The following TMEM38A variants were observed in gnomAD, a reference collection of about 807,000 sequenced individuals.
The protein encoded by TMEM38A is trimeric intracellular cation channel type A.
TMEM38A carries 17 observed loss-of-function variants against 28.6 expected under a neutral mutation model. That is an observed-to-expected ratio of 0.60 (90% CI 0.41 to 0.89). The LOEUF is 0.89. Ranked by LOEUF, TMEM38A falls within the 40% of genes least tolerant of loss-of-function variation. The pLI is 0.00. For synonymous variants in TMEM38A, 169 were observed against 166.1 expected (o/e 1.02, Z -0.14); for missense variants, 328 against 393.1 (o/e 0.83, Z 1.40).
intron 1 of TMEM38A, among the ~76,000 whole-genome samples, chr19:16,675,366 TAC>T (rs1188541493): frequency 1.3e-5 from 2 of 151,846 alleles, no homozygotes; most frequent in Non-Finnish European, 2.9e-5. Context: ...TAGCTGGGAA[TAC>T]AGACACCTGC....
At chr19:16,686,973 C>A (rs1266250206) in intron 5 of TMEM38A, among the ~76,000 whole-genome samples, 1 of 152,124 alleles carries the variant, frequency 6.6e-6, no homozygotes, top group Admixed American at 6.6e-5. Flanking sequence ...TACCCCAGGC[C>A]AAATGTCTTA....
chr19:16,679,867 C>T (rs953426760), intron 1 of TMEM38A, 117 bp from the exon 2 acceptor site: 1 of 1,129,826 alleles, frequency 8.9e-7, no homozygotes, highest in African/African-American at 1.6e-5. Context: ...CTGAAACTTA[C>T]AAACTGCACA....
At chr19:16,680,733 G>T in intron 3 of TMEM38A, 152 bp downstream of exon 3, 2 of 663,110 alleles carry the variant, frequency 3.0e-6, no homozygotes, top group Non-Finnish European at 5.2e-6. Flanking sequence ...GGTATCAGCC[G>T]ATACCTTTAG....
rs1020059687 is a variant in TMEM38A, at chr19:16,661,549, G to A, written c.124+208G>A. ...GGGGAGAAGCCCCCAGGACGATGAA[G>A]CTGGGGGAGGGGAAGGAGAGGCGTG... On this transcript the variant is annotated intron_variant, in intron 1 of 5. Coordinates refer to ENST00000187762, the MANE Select transcript of TMEM38A (RefSeq NM_024074.4). The surrounding 1 kb of genome is among the most constrained non-coding windows in gnomAD (Gnocchi z 6.5). Among the ~76,000 whole-genome samples, 5 of 152,022 alleles carry A rather than the reference G, an allele frequency of 3.3e-5. No homozygotes were observed. Among genetic ancestry groups the A allele is most frequent in the African/African-American group, 1.2e-4 (5 of 41,380 alleles).
chr19:16,676,564 T>C (rs2086752377), intron 1 of TMEM38A, among the ~76,000 whole-genome samples: 1 of 152,030 alleles, frequency 6.6e-6, no homozygotes, highest in Admixed American at 6.6e-5. Flanking sequence ...AGAATCAATA[T>C]GATGAAAGAA....
intron 1 of TMEM38A, among the ~76,000 whole-genome samples, chr19:16,673,174 C>T (rs1206048390): frequency 1.3e-5 from 2 of 152,108 alleles, no homozygotes; most frequent in African/African-American, 2.4e-5. Flanking sequence ...CTCCACCTCC[C>T]GGGTTCAAGC....
chr19:16,682,143 G>A (rs944394487), intron 3 of TMEM38A, among the ~76,000 whole-genome samples: 3 of 152,062 alleles, frequency 2.0e-5, no homozygotes, highest in African/African-American at 7.2e-5. Flanking sequence ...AGGGGCATCA[G>A]GACAGACAAC....
Position 16,689,741 on chromosome 19 carries a change from G to C in TMEM38A, c.*1370G>C, listed in dbSNP as rs2279449. 1 of 152,356 alleles carries C rather than the reference G, an allele frequency of 6.6e-6. No homozygotes were observed. Among genetic ancestry groups the C allele is most frequent in the Non-Finnish European group, 1.5e-5 (1 of 68,186 alleles). 9.4% of individuals were successfully genotyped at this position (152,356 alleles called of 1,614,324 possible). A position where few individuals can be genotyped will look rare whatever the true frequency, so the allele number is the denominator to read the frequency against. ...GCCAGGAGCCTGCTTCAGTGTGAGC[G>C]AGGTGGATGATATTATAGCTGAAGG... On this transcript the variant is annotated 3_prime_UTR_variant, in exon 6 of 6. Transcript: ENST00000187762.
chr19:16,662,886 C>CT (rs2086688239), intron 1 of TMEM38A, among the ~76,000 whole-genome samples: 1 of 152,034 alleles, frequency 6.6e-6, no homozygotes, highest in African/African-American at 2.4e-5. Flanking sequence ...ACAAAATAGG[C>CT]TTTTGTGTTG....
Position 16,671,201 on chromosome 19 carries a change from C to CTT in TMEM38A, c.125-8762_125-8761dup, listed in dbSNP as rs34550977. The stretch of plus-strand genomic sequence containing the variant: ...GTATGGAAAGGGGAAAGGACCTGGG[C>CTT]TTTTTTTTTTTTTTTTTTTTTTGAG... On this transcript the variant is annotated intron_variant, in intron 1 of 5. Coordinates refer to ENST00000187762, the MANE Select transcript of TMEM38A (RefSeq NM_024074.4). Among the ~76,000 whole-genome samples, 140 of 84,812 alleles carry CTT rather than the reference C, an allele frequency of 1.7e-3. 1 individual carries two copies. The highest frequency in any genetic ancestry group is 2.2e-3 in the Non-Finnish European group (105 of 48,768). 55.6% of individuals were successfully genotyped at this position (84,812 alleles called of 152,430 possible).
At chr19:16,667,008 C>T (rs1014048979) in intron 1 of TMEM38A, among the ~76,000 whole-genome samples, 1 of 150,610 alleles carries the variant, frequency 6.6e-6, no homozygotes, top group African/African-American at 2.5e-5. Flanking sequence ...GTGGCTCACA[C>T]TTGTAATCCT....
At chr19:16,676,801 C>T (rs1377635444) in intron 1 of TMEM38A, among the ~76,000 whole-genome samples, 1 of 127,216 alleles carries the variant, frequency 7.9e-6, no homozygotes, top group Non-Finnish European at 1.6e-5. Flanking sequence ...CTGTTGTTGG[C>T]CTGGGCTGGA....
At chr19:16,681,399 T>C (rs188219310) in intron 3 of TMEM38A, among the ~76,000 whole-genome samples, 106 of 152,186 alleles carry the variant, frequency 7.0e-4, no homozygotes, top group African/African-American at 2.5e-3. Context: ...ACTATAAACA[T>C]ATATGCACCT....
chr19:16,680,833 G>T (rs1194387313), intron 3 of TMEM38A: 2 of 492,436 alleles, frequency 4.1e-6, no homozygotes, highest in Admixed American at 3.3e-5. Context: ...GCCAGAGCAG[G>T]TTTTCTCACT....
chr19:16,666,602 A>C (rs1057079601), intron 1 of TMEM38A, among the ~76,000 whole-genome samples: 35 of 151,998 alleles, frequency 2.3e-4, no homozygotes, highest in African/African-American at 8.0e-4. Context: ...AATCCTGAGA[A>C]AGAATGAAGC....
intron 1 of TMEM38A, among the ~76,000 whole-genome samples, chr19:16,663,345 C>T (rs1321158629): frequency 1.3e-5 from 2 of 151,554 alleles, no homozygotes; most frequent in South Asian, 2.1e-4. Context: ...ACACAAATGT[C>T]TTGAGAAAAG....
rs996088303 is a variant in TMEM38A at position 16,688,886 on chromosome 19, G to C, written c.*515G>C. On this transcript the variant is annotated 3_prime_UTR_variant, in exon 6 of 6. Coordinates refer to ENST00000187762, the MANE Select transcript of TMEM38A (RefSeq NM_024074.4). Reference sequence around the variant, plus strand: ...TGCACGCCTTTAATCCCAGCTACTCGGGAGGCTGAGGCAGGAGAATCACAT... The same window carrying C: ...TGCACGCCTTTAATCCCAGCTACTCCGGAGGCTGAGGCAGGAGAATCACAT... 1 of 151,924 alleles carries C rather than the reference G, an allele frequency of 6.6e-6. No homozygotes were observed. The highest frequency in any genetic ancestry group is 1.5e-5 in the Non-Finnish European group (1 of 68,082). 9.4% of individuals were successfully genotyped at this position (151,924 alleles called of 1,614,324 possible).
chr19:16,672,199 G>A (rs555533553), intron 1 of TMEM38A, among the ~76,000 whole-genome samples: 4 of 152,028 alleles, frequency 2.6e-5, no homozygotes, highest in Non-Finnish European at 4.4e-5. Flanking sequence ...AAGAAGCAAC[G>A]TTCTACTTTG....
intron 4 of TMEM38A, among the ~76,000 whole-genome samples, chr19:16,686,034 A>C (rs1243013471): frequency 6.6e-6 from 1 of 152,152 alleles, no homozygotes; most frequent in Non-Finnish European, 1.5e-5. Flanking sequence ...ATGGTGGCAT[A>C]TGCCTGTAAT....
Sources: allele counts gnomAD v4.1 joint callset (sites outside exome capture counted in the v4.1 genomes callset), GRCh38; gene constraint gnomAD v4.1.1; non-coding constraint Gnocchi (gnomAD v3.1); transcripts MANE v1.5; gene names NCBI Gene and HGNC (gene_info 2026-07-23, HGNC 2026-07-21).